The following NKAIN3 variants were observed in gnomAD, a reference collection of about 807,000 sequenced individuals.
The protein encoded by NKAIN3 is sodium/potassium transporting ATPase interacting 3.
A neutral mutation model predicts 30.2 loss-of-function variants in NKAIN3; 25 were observed. That is an observed-to-expected ratio of 0.83 (90% CI 0.60 to 1.16). The LOEUF (loss-of-function observed/expected upper bound fraction) is 1.16. NKAIN3 is among the 50% of genes most tolerant of loss of function. The pLI, the probability that NKAIN3 is intolerant of heterozygous loss-of-function variation, is 0.00. For synonymous variants in NKAIN3, 91 were observed against 89.6 expected (o/e 1.02, Z -0.09); for missense variants, 225 against 254.1 (o/e 0.89, Z 0.78).
At chr8:62,942,491 A>G (rs1822995752) in intron 5 of NKAIN3, among the ~76,000 whole-genome samples, 1 of 150,748 alleles carries the variant, frequency 6.6e-6, no homozygotes, top group Admixed American at 6.6e-5. Context: ...CCATCACAAT[A>G]CCATCATCAT....
intron 1 of NKAIN3, among the ~76,000 whole-genome samples, chr8:62,270,940 A>G (rs1812759797): frequency 6.6e-6 from 1 of 152,210 alleles, no homozygotes; most frequent in Admixed American, 6.5e-5. Context: ...CTTCCTGTTC[A>G]TTTGAAAACT....
intron 1 of NKAIN3, among the ~76,000 whole-genome samples, chr8:62,460,228 A>C (rs1343931396): frequency 6.6e-6 from 1 of 152,022 alleles, no homozygotes; most frequent in Non-Finnish European, 1.5e-5. Context: ...CCTGGCTAAC[A>C]TGGCGAAACC....
Position 62,305,047 on chromosome 8 carries a change from A to G in NKAIN3, c.54+55920A>G, listed in dbSNP as rs762597530. 1.5e-4 allele frequency among the ~76,000 whole-genome samples: 23 copies of G among 150,576 alleles called. 3 individuals carry two copies. The highest frequency in any genetic ancestry group is 2.3e-4 in the African/African-American group (9 of 39,972). ...AATTATCAGCTGGTTTAAAGATCAG[A>G]AGGAGGGTCTGTAAAGGAAATAGTA... On this transcript the variant is annotated intron_variant, in intron 1 of 6. Transcript: ENST00000623646.
rs182879521 is a variant in NKAIN3, at chr8:62,326,679, A to G, written c.54+77552A>G. On this transcript the variant is annotated intron_variant, in intron 1 of 6. Coordinates refer to ENST00000623646, the MANE Select transcript of NKAIN3 (RefSeq NM_001304533.3). ...ATGTACCTTTTATATCTTGAGAAAT[A>G]TCACTGGCACATTATTCATACTGTC... is the stretch of plus-strand genomic sequence containing the variant. Among the ~76,000 whole-genome samples, 227 of 152,132 alleles carry G rather than the reference A, an allele frequency of 1.5e-3. 2 individuals are homozygous for G. The highest frequency in any genetic ancestry group is 2.4e-3 in the Non-Finnish European group (162 of 67,916).
intron 1 of NKAIN3, among the ~76,000 whole-genome samples, chr8:62,563,890 T>C (rs1049806343): frequency 6.6e-6 from 1 of 152,236 alleles, no homozygotes. Flanking sequence ...CTTCCAAACC[T>C]AGTATTGAGC....
intron 1 of NKAIN3, among the ~76,000 whole-genome samples, chr8:62,420,122 G>C (rs1355942651): frequency 6.6e-6 from 1 of 152,116 alleles, no homozygotes; most frequent in African/African-American, 2.4e-5. Context: ...AATGAGCCAG[G>C]CCAGAGTTCT....
At position 62,965,861 on chromosome 8, in the gene NKAIN3, GTGACAGC is replaced by G; in HGVS notation, c.*458_*464del. The G allele has an allele frequency of 4.1e-6, 4 of 985,040 alleles. No homozygotes were observed. Among genetic ancestry groups the G allele is most frequent in the Non-Finnish European group, 4.8e-6 (4 of 829,630 alleles). 61.0% of individuals were successfully genotyped at this position (985,040 alleles called of 1,614,324 possible). A position where few individuals can be genotyped will look rare whatever the true frequency, so the allele number is the denominator to read the frequency against. ...GTTATCAGCCACCAAGGTAGACCCT[GTGACAGC>G]TGATAAATAGGTACAAATAATGGAT... On this transcript the variant is annotated 3_prime_UTR_variant, in exon 7 of 7. Transcript: ENST00000623646.
rs562937650 is a variant in NKAIN3 at position 62,783,314 on chromosome 8, T to C, written c.471+36185T>C. Among the ~76,000 whole-genome samples the C allele has an allele frequency of 9.9e-5, 15 of 152,228 alleles. No individual in the cohort carries two copies. In the South Asian group the frequency reaches 2.9e-3, roughly 29 times the overall value. ...AGAAGCCAGATAGCCCTTTCTACCA[T>C]GTGAAGTCACTGCAAGAAATCAGCA... is the stretch of plus-strand genomic sequence containing the variant. On this transcript the variant is annotated intron_variant, in intron 4 of 6. Transcript: ENST00000623646.
chr8:62,569,253 A>G (rs1485812098), intron 1 of NKAIN3, among the ~76,000 whole-genome samples: 1 of 152,220 alleles, frequency 6.6e-6, no homozygotes, highest in Non-Finnish European at 1.5e-5. Context: ...AAGTAGGATC[A>G]TGATACAAAT....
At chr8:62,616,020 C>T (rs1409514201) in intron 3 of NKAIN3, among the ~76,000 whole-genome samples, 2 of 152,132 alleles carry the variant, frequency 1.3e-5, no homozygotes, top group African/African-American at 2.4e-5. Flanking sequence ...AAGGGATGAT[C>T]GGTGGCGTTT....
intron 3 of NKAIN3, among the ~76,000 whole-genome samples, chr8:62,666,882 C>T (rs1214821074): frequency 1.3e-5 from 2 of 152,110 alleles, no homozygotes; most frequent in Non-Finnish European, 2.9e-5. Flanking sequence ...TGAATGTCAT[C>T]ACTGCCAATC....
intron 4 of NKAIN3, among the ~76,000 whole-genome samples, chr8:62,751,014 T>G (rs1816264087): frequency 6.6e-6 from 1 of 152,134 alleles, no homozygotes; most frequent in Non-Finnish European, 1.5e-5. Flanking sequence ...GCGCAAATCT[T>G]ATCAGTCACG....
intron 3 of NKAIN3, among the ~76,000 whole-genome samples, chr8:62,729,207 C>G (rs1815389820): frequency 6.6e-6 from 1 of 151,868 alleles, no homozygotes; most frequent in African/African-American, 2.4e-5. Context: ...AGAAAGAAGC[C>G]TAAGACCTGG....
rs1052530494 is a variant in NKAIN3 at position 62,822,104 on chromosome 8, T to G, written c.471+74975T>G. 6.6e-5 allele frequency among the ~76,000 whole-genome samples: 10 copies of G among 152,142 alleles called. No homozygotes were observed. In the East Asian group the frequency reaches 1.7e-3, roughly 26 times the overall value. ...ACCCAGTGTGAAGCTTAAATTGGATTGATCAAGGTGGAAAAATCTTTCTGT... is the reference window on the plus strand; with the variant it reads ...ACCCAGTGTGAAGCTTAAATTGGATGGATCAAGGTGGAAAAATCTTTCTGT... On this transcript the variant is annotated intron_variant, in intron 4 of 6. Coordinates refer to ENST00000623646, the MANE Select transcript of NKAIN3 (RefSeq NM_001304533.3).
At chr8:62,924,666 A>G (rs1822386802) in intron 5 of NKAIN3, among the ~76,000 whole-genome samples, 2 of 152,196 alleles carry the variant, frequency 1.3e-5, no homozygotes, top group South Asian at 4.1e-4. Flanking sequence ...TAATCATCAA[A>G]TGAAACATCT....
chr8:62,652,829 C>A (rs1296058594), intron 3 of NKAIN3, among the ~76,000 whole-genome samples: 2 of 152,054 alleles, frequency 1.3e-5, no homozygotes, highest in Non-Finnish European at 2.9e-5. Context: ...GAAACTGAGC[C>A]ACGGACAAGT....
rs186073367 is a variant in NKAIN3 at position 62,540,335 on chromosome 8, A to G, written c.55-39204A>G. On this transcript the variant is annotated intron_variant, in intron 1 of 6. Coordinates refer to ENST00000623646, the MANE Select transcript of NKAIN3 (RefSeq NM_001304533.3). Reference sequence around the variant, plus strand: ...TCCCCTACCAGTTTCAAACCCTCCCACTCATAATTAACCTCCTACTACCTA... The same window carrying G: ...TCCCCTACCAGTTTCAAACCCTCCCGCTCATAATTAACCTCCTACTACCTA... 2.9e-4 allele frequency among the ~76,000 whole-genome samples: 44 copies of G among 152,140 alleles called. 1 individual carries two copies. The East Asian group carries it at 7.5e-3, about 26-fold the overall frequency.
intron 1 of NKAIN3, among the ~76,000 whole-genome samples, chr8:62,382,632 C>T (rs1051770091): frequency 6.6e-6 from 1 of 151,980 alleles, no homozygotes; most frequent in Admixed American, 6.6e-5. Flanking sequence ...TTATTGGAAC[C>T]CTTCTTCCAA....
At chr8:62,309,553 A>G (rs1644957577) in intron 1 of NKAIN3, among the ~76,000 whole-genome samples, 2 of 150,438 alleles carry the variant, frequency 1.3e-5, no homozygotes, top group Non-Finnish European at 1.5e-5. Flanking sequence ...AAGGAAAAAT[A>G]ATAGACTTGG....
Sources: allele counts gnomAD v4.1 joint callset (sites outside exome capture counted in the v4.1 genomes callset), GRCh38; gene constraint gnomAD v4.1.1; transcripts MANE v1.5; gene names NCBI Gene and HGNC (gene_info 2026-07-23, HGNC 2026-07-21).